The following SPATS2 variants were observed in gnomAD, a reference collection of about 807,000 sequenced individuals.
SPATS2 encodes the protein spermatogenesis-associated serine-rich protein 2.
A neutral mutation model predicts 63.7 loss-of-function variants in SPATS2; 38 were observed. The ratio of observed to expected loss-of-function variants is 0.60; its 90% confidence interval spans 0.46 to 0.78. The LOEUF is 0.78. Among genes scored for constraint, SPATS2 ranks in the 30% least tolerant of loss-of-function variants. The pLI, the probability that SPATS2 is intolerant of heterozygous loss-of-function variation, is 0.00. For missense variants in SPATS2, 588 were observed against 666.2 expected, an observed-to-expected ratio of 0.88 and a Z score of 1.29; for synonymous variants, 207 against 232.9, an observed-to-expected ratio of 0.89 and a Z score of 1.01.
chr12:49,373,137 TA>T (rs1272124596), intron 2 of SPATS2, among the ~76,000 whole-genome samples: 1 of 152,110 alleles, frequency 6.6e-6, no homozygotes, highest in Non-Finnish European at 1.5e-5. Flanking sequence ...CACGCCCAGC[TA>T]ATTTTTTGTA....
intron 13 of SPATS2, 55 bp from the exon 14 acceptor site, chr12:49,525,889 G>T (rs904265631): frequency 3.3e-5 from 52 of 1,563,156 alleles, no homozygotes; most frequent in African/African-American, 5.4e-5. Flanking sequence ...TAAAGTGAAC[G>T]AATGGGGTAC....
rs749492187 is a variant in SPATS2 at position 49,484,638 on chromosome 12, A to G, written c.74A>G (p.Gln25Arg). ...TTGCAGTCCAATACCGTACTGGCCC[A>G]GGGAGGAGCTTTTGAGAACATGAAA... ...FDLQSNTVLA[Q>R]GGAFENMKEK... Residue 25 changes from glutamine (Q) to arginine (R), a missense_variant, in exon 4 of 14, where the codon CAG becomes CGG. Gln to Arg is a conservative substitution (Grantham distance 43). Coordinates refer to ENST00000552918, the MANE Select transcript of SPATS2 (RefSeq NM_023071.4). 12 of 1,614,036 alleles carry G rather than the reference A, an allele frequency of 7.4e-6. No individual in the cohort carries two copies. In the East Asian group the frequency reaches 2.5e-4, roughly 33 times the overall value.
chr12:49,439,989 A>AACTTTTTATGCTTTT (rs1945387640), intron 2 of SPATS2, among the ~76,000 whole-genome samples: 2 of 152,228 alleles, frequency 1.3e-5, no homozygotes, highest in Non-Finnish European at 2.9e-5. Flanking sequence ...ATGCAGCAAT[A>AACTTTTTATGCTTTT]GGTTTTTAAC....
chr12:49,492,959 G>A (rs190100371), intron 6 of SPATS2, among the ~76,000 whole-genome samples: 2 of 152,052 alleles, frequency 1.3e-5, no homozygotes, highest in African/African-American at 4.8e-5. Flanking sequence ...TTAGCTGGGT[G>A]TGGTGGCACA....
chr12:49,398,152 AAAAAAAAAG>A (rs1944545233), intron 2 of SPATS2, among the ~76,000 whole-genome samples: 1 of 150,766 alleles, frequency 6.6e-6, no homozygotes, highest in African/African-American at 2.4e-5. Context: ...AAAAAAAAAA[AAAAAAAAAG>A]AAAAGAAAAG....
chr12:49,423,349 C>G (rs1039601409), intron 2 of SPATS2, among the ~76,000 whole-genome samples: 1 of 152,144 alleles, frequency 6.6e-6, no homozygotes, highest in Admixed American at 6.5e-5. Flanking sequence ...CCAGGCTGGT[C>G]TCGAACTCCT....
At chr12:49,405,945 G>A (rs1944687390) in intron 2 of SPATS2, among the ~76,000 whole-genome samples, 1 of 152,082 alleles carries the variant, frequency 6.6e-6, no homozygotes. Flanking sequence ...TTTAAAACAT[G>A]ACATTTGAAA....
intron 2 of SPATS2, among the ~76,000 whole-genome samples, chr12:49,421,504 T>A (rs898149331): frequency 6.7e-6 from 1 of 149,282 alleles, no homozygotes; most frequent in Non-Finnish European, 1.5e-5. Context: ...TCAAAGACCA[T>A]GAGGGATACA....
At chr12:49,502,804 A>G (rs1592464355) in intron 9 of SPATS2, among the ~76,000 whole-genome samples, 1 of 152,084 alleles carries the variant, frequency 6.6e-6, no homozygotes, top group Non-Finnish European at 1.5e-5. Flanking sequence ...CAGATTACTC[A>G]TTGTCTCAAA....
chr12:49,367,382 C>T, upstream of SPATS2: 1 of 394,722 alleles, frequency 2.5e-6, no homozygotes, highest in Non-Finnish European at 4.5e-6. Flanking sequence ...TCCTGCAGTC[C>T]GGCCCAGGAG....
chr12:49,462,345 A>G (rs571369901), intron 3 of SPATS2: 5 of 702,386 alleles, frequency 7.1e-6, no homozygotes, highest in Non-Finnish European at 1.3e-5. Context: ...CTGCTTCAGT[A>G]CCAGCAGGGG....
intron 7 of SPATS2, among the ~76,000 whole-genome samples, chr12:49,495,817 A>G (rs1946455645): frequency 1.3e-5 from 2 of 152,362 alleles, no homozygotes; most frequent in Middle Eastern, 3.4e-3. Context: ...TATTATTTTA[A>G]GACCCAACAT....
Position 49,431,569 on chromosome 12 carries a change from A to G in SPATS2, c.-243-29201A>G, listed in dbSNP as rs192465672. 3.9e-5 allele frequency among the ~76,000 whole-genome samples: 6 copies of G among 152,250 alleles called. No homozygotes were observed. The East Asian group carries it at 1.2e-3, about 29-fold the overall frequency. On this transcript the variant is annotated intron_variant, in intron 2 of 13. Transcript: ENST00000552918. ...GGCCCAAAGAACTTTTCTCAAAAAC[A>G]TTTGCACAGTATTCTCATTATGTGG...
intron 2 of SPATS2, among the ~76,000 whole-genome samples, chr12:49,423,493 C>G (rs1328796467): frequency 6.6e-6 from 1 of 152,132 alleles, no homozygotes; most frequent in African/African-American, 2.4e-5. Flanking sequence ...GTGGCTTGGT[C>G]CCCACTTTTC....
chr12:49,480,716 G>T lies in SPATS2; in HGVS notation c.26-3874G>T, dbSNP rs186519078. 3.1e-3 allele frequency among the ~76,000 whole-genome samples: 465 copies of T among 151,496 alleles called. 2 individuals carry two copies. Among genetic ancestry groups the T allele is most frequent in the African/African-American group, 0.011 (439 of 41,336 alleles). ...GAACCAACATGTGGTTTTTATTGGG[G>T]CTGTACCATTTTACATTTCCACTAG... On this transcript the variant is annotated intron_variant, in intron 3 of 13. Transcript: ENST00000552918.
chr12:49,450,553 CTT>C (rs1945602667), intron 2 of SPATS2, among the ~76,000 whole-genome samples: 1 of 150,270 alleles, frequency 6.7e-6, no homozygotes. Flanking sequence ...CGAGTGGAGT[CTT>C]TTTTTGAGAC....
chr12:49,508,841 ATCATC>A (rs1946697302), intron 9 of SPATS2, among the ~76,000 whole-genome samples: 1 of 151,470 alleles, frequency 6.6e-6, no homozygotes, highest in African/African-American at 2.4e-5. Context: ...AGGCGGGTGG[ATCATC>A]TGAGGTCAGG....
rs1944799561 is a variant in SPATS2, at chr12:49,411,651, T to TA, written c.-244+40367dup. Reference sequence around the variant, plus strand: ...TGATTTTTTCCTCTTGGTACTTGCTTAAAAAATCAAGCATTTGACAGTCTA... The same window carrying TA: ...TGATTTTTTCCTCTTGGTACTTGCTTAAAAAAATCAAGCATTTGACAGTCTA... On this transcript the variant is annotated intron_variant, in intron 2 of 13. Coordinates refer to ENST00000552918, the MANE Select transcript of SPATS2 (RefSeq NM_023071.4). Among the ~76,000 whole-genome samples the TA allele has an allele frequency of 2.6e-5, 4 of 152,286 alleles. No individual in the cohort carries two copies. The South Asian group carries it at 8.3e-4, about 32-fold the overall frequency.
At chr12:49,401,496 C>T (rs1432789035) in intron 2 of SPATS2, among the ~76,000 whole-genome samples, 1 of 152,114 alleles carries the variant, frequency 6.6e-6, no homozygotes, top group South Asian at 2.1e-4. Flanking sequence ...TTTATTTGTA[C>T]CCTCAACCAT....
Sources: allele counts gnomAD v4.1 joint callset (sites outside exome capture counted in the v4.1 genomes callset), GRCh38; gene constraint gnomAD v4.1.1; transcripts MANE v1.5; gene names NCBI Gene and HGNC (gene_info 2026-07-23, HGNC 2026-07-21).